OPCML: variants seen among roughly 807,000 people sequenced by gnomAD.
OPCML encodes the protein opioid-binding protein/cell adhesion molecule.
A neutral mutation model predicts 37.8 loss-of-function variants in OPCML; 13 were observed. The ratio of observed to expected loss-of-function variants is 0.34; its 90% CI spans 0.22 to 0.55. The LOEUF is 0.55. OPCML is among the 20% of genes least tolerant of loss of function. The pLI, the probability that OPCML is intolerant of heterozygous loss-of-function variation, is 0.91. For missense variants in OPCML, 341 were observed against 435.6 expected, an observed-to-expected ratio of 0.78 and a Z score of 1.93; for synonymous variants, 176 against 168.8, an observed-to-expected ratio of 1.04 and a Z score of -0.33.
chr11:132,480,779 A>G (rs908394876), intron 4 of OPCML, among the ~76,000 whole-genome samples: 3 of 152,162 alleles, frequency 2.0e-5, no homozygotes, highest in African/African-American at 7.2e-5. Flanking sequence ...AAGCTTCATA[A>G]GTGAAGGACA....
chr11:132,462,235 AC>A, intron 4 of OPCML, among the ~76,000 whole-genome samples: 1 of 152,124 alleles, frequency 6.6e-6, no homozygotes, highest in African/African-American at 2.4e-5. Flanking sequence ...CCACACACAC[AC>A]TTTTTGGTGA....
chr11:132,973,121 C>T (rs1387106773), intron 1 of OPCML, among the ~76,000 whole-genome samples: 1 of 152,134 alleles, frequency 6.6e-6, no homozygotes, highest in African/African-American at 2.4e-5. Context: ...ACTTGACAAC[C>T]TTTTTCTCCT....
At chr11:133,109,641 G>A (rs1419163126) in intron 1 of OPCML, among the ~76,000 whole-genome samples, 1 of 152,146 alleles carries the variant, frequency 6.6e-6, no homozygotes, top group Admixed American at 6.5e-5. Context: ...CTCGACCCAG[G>A]AAGTCCAGCT....
At position 132,638,163 on chromosome 11, in the gene OPCML, CTATA is replaced by C. The variant is rs71905540; in HGVS notation, c.379+18920_379+18923del. On this transcript the variant is annotated intron_variant, in intron 3 of 7. Transcript: ENST00000524381. The stretch of plus-strand genomic sequence containing the variant: ...GAAAGCTAAAGAGCATATATACAGA[CTATA>C]TATATATATATATATATATACAGAG... Among the ~76,000 whole-genome samples, 66 of 128,242 alleles carry C rather than the reference CTATA, an allele frequency of 5.1e-4. 4 individuals are homozygous for C. The South Asian group carries it at 0.011, about 20-fold the overall frequency. 84.1% of individuals were successfully genotyped at this position (128,242 alleles called of 152,430 possible).
chr11:133,120,749 T>TCA (rs933786499), intron 1 of OPCML, among the ~76,000 whole-genome samples: 19 of 152,312 alleles, frequency 1.2e-4, no homozygotes, highest in Middle Eastern at 3.4e-3. Flanking sequence ...TGTCAAGAGT[T>TCA]CATGCTTTGG....
At chr11:132,917,096 A>G (rs960532483) in intron 2 of OPCML, among the ~76,000 whole-genome samples, 2 of 152,188 alleles carry the variant, frequency 1.3e-5, no homozygotes, top group African/African-American at 4.8e-5. Flanking sequence ...ATCTGTGGCT[A>G]GCAAGGCTGG....
At chr11:132,957,865 T>G (rs973627548) in intron 1 of OPCML, among the ~76,000 whole-genome samples, 1 of 152,136 alleles carries the variant, frequency 6.6e-6, no homozygotes, top group Non-Finnish European at 1.5e-5. Flanking sequence ...AACCAACCAT[T>G]CTCCAGTCTC....
At chr11:132,841,124 A>C (rs753030212) in intron 2 of OPCML, among the ~76,000 whole-genome samples, 2 of 152,254 alleles carry the variant, frequency 1.3e-5, no homozygotes, top group African/African-American at 4.8e-5. Context: ...TAAGGGTTCT[A>C]TAAGCATTAG....
At chr11:133,345,747 G>T (rs1943985734) in intron 1 of OPCML, among the ~76,000 whole-genome samples, 1 of 152,166 alleles carries the variant, frequency 6.6e-6, no homozygotes, top group Non-Finnish European at 1.5e-5. Context: ...GAGCTCTTCT[G>T]GTTCTTCTAG....
At chr11:133,524,014 A>G (rs753284122) in intron 1 of OPCML, among the ~76,000 whole-genome samples, 3 of 152,216 alleles carry the variant, frequency 2.0e-5, no homozygotes, top group Non-Finnish European at 4.4e-5. Flanking sequence ...TGTTTGACGC[A>G]TGTCTGTCTC....
intron 1 of OPCML, among the ~76,000 whole-genome samples, chr11:133,097,203 C>G (rs1189985413): frequency 2.0e-5 from 3 of 152,130 alleles, no homozygotes; most frequent in African/African-American, 7.2e-5. Flanking sequence ...TGTGTGATCT[C>G]ACATCAAAAT....
rs183387804 is a variant in OPCML, at chr11:133,496,788, A to G, written c.61+35476T>C. ...TTTGCTGAATTCTTTTATCAGTTCT[A>G]GGAGCTTTCTGGAGGAGTCCTTAGG... On this transcript the variant is annotated intron_variant, in intron 1 of 7. Transcript: ENST00000524381. Among the ~76,000 whole-genome samples the G allele has an allele frequency of 9.0e-4, 137 of 152,310 alleles. 1 individual carries two copies. The highest frequency in any genetic ancestry group is 3.1e-3 in the African/African-American group (128 of 41,572).
intron 3 of OPCML, among the ~76,000 whole-genome samples, chr11:132,564,694 G>A (rs1389159559): frequency 4.6e-5 from 7 of 152,042 alleles, no homozygotes; most frequent in Non-Finnish European, 1.5e-5. Context: ...GTGTTCCCCT[G>A]TGTGCATGCA....
At chr11:133,217,104 T>G (rs1190627565) in intron 1 of OPCML, among the ~76,000 whole-genome samples, 1 of 125,606 alleles carries the variant, frequency 8.0e-6, no homozygotes, top group Admixed American at 8.8e-5. Flanking sequence ...TGGGAAGAAC[T>G]CAGCCCTTTT....
At chr11:133,043,470 A>G (rs907986190) in intron 1 of OPCML, among the ~76,000 whole-genome samples, 1 of 152,122 alleles carries the variant, frequency 6.6e-6, no homozygotes, top group African/African-American at 2.4e-5. Flanking sequence ...CTTCTTCATG[A>G]ACCACCTGCT....
intron 2 of OPCML, among the ~76,000 whole-genome samples, chr11:132,726,494 C>T (rs1944889781): frequency 7.4e-6 from 1 of 134,842 alleles, no homozygotes; most frequent in South Asian, 2.5e-4. Context: ...GGGACACAGC[C>T]AAACCATATC....
chr11:132,485,162 T>A (rs537459401), intron 4 of OPCML, among the ~76,000 whole-genome samples: 1 of 152,182 alleles, frequency 6.6e-6, no homozygotes, highest in Admixed American at 6.5e-5. Context: ...TAAGAATTAG[T>A]GTCTAGGTAT....
At chr11:133,047,745 A>T (rs764351820) in intron 1 of OPCML, among the ~76,000 whole-genome samples, 3 of 152,246 alleles carry the variant, frequency 2.0e-5, no homozygotes, top group Non-Finnish European at 4.4e-5. Context: ...TCAGAAGCAG[A>T]CAGGGTGGGA....
At chr11:133,520,805 A>T (rs1948381881) in intron 1 of OPCML, among the ~76,000 whole-genome samples, 1 of 152,162 alleles carries the variant, frequency 6.6e-6, no homozygotes, top group South Asian at 2.1e-4. Flanking sequence ...AACCCGTTTC[A>T]GGTCTCTCAT....
Sources: allele counts gnomAD v4.1 joint callset (sites outside exome capture counted in the v4.1 genomes callset), GRCh38; gene constraint gnomAD v4.1.1; transcripts MANE v1.5; gene names NCBI Gene and HGNC (gene_info 2026-07-23, HGNC 2026-07-21).